Variants in TBC1D30 observed in about 807,000 individuals in gnomAD.
TBC1D30 encodes TBC1 domain family member 30, also known as TBC1 domain family, member 30.
A neutral mutation model predicts 63.2 loss-of-function variants in TBC1D30; 31 were observed. That is an observed-to-expected ratio of 0.49 (90% CI 0.37 to 0.66). TBC1D30 has a LOEUF of 0.66. Ranked by LOEUF, TBC1D30 falls within the 30% of genes least tolerant of loss-of-function variation. TBC1D30 has a pLI of 0.00. For missense variants in TBC1D30, 810 were observed against 953.6 expected, an observed-to-expected ratio of 0.85 and a Z score of 1.98; for synonymous variants, 307 against 361.5, an observed-to-expected ratio of 0.85 and a Z score of 1.71.
intron 2 of TBC1D30, among the ~76,000 whole-genome samples, chr12:64,800,180 C>T (rs137988796): frequency 1.9e-3 from 293 of 152,210 alleles, no homozygotes; most frequent in African/African-American, 6.8e-3. Flanking sequence ...GGCAGACATT[C>T]CATGCAGAGA....
At chr12:64,769,542 A>ATTTTTT (rs35063952) in intron 1 of TBC1D30, among the ~76,000 whole-genome samples, 1 of 133,108 alleles carries the variant, frequency 7.5e-6, no homozygotes, top group Non-Finnish European at 1.6e-5. Context: ...ACGCTGGGCT[A>ATTTTTT]TTTTTTTTTT....
At chr12:64,834,151 T>C (rs1280366983) in intron 5 of TBC1D30, among the ~76,000 whole-genome samples, 1 of 152,148 alleles carries the variant, frequency 6.6e-6, no homozygotes, top group Non-Finnish European at 1.5e-5. Context: ...AGTGTATAGA[T>C]CTTGTGTTTA....
Position 64,861,056 on chromosome 12 carries a change from T to C in TBC1D30, c.1039-3612T>C, listed in dbSNP as rs1177133780. Among the ~76,000 whole-genome samples, 6 of 152,342 alleles carry C rather than the reference T, an allele frequency of 3.9e-5. 1 individual carries two copies. The highest frequency in any genetic ancestry group is 2.0e-4 in the Admixed American group (3 of 15,296). On this transcript the variant is annotated intron_variant, in intron 8 of 11. Transcript: ENST00000539867. Reference sequence around the variant, plus strand: ...CTTAGGTATTAGGAGAAGGAACCACTTTGACACTGCTTAAAGCAGAAGAAT... The same window carrying C: ...CTTAGGTATTAGGAGAAGGAACCACCTTGACACTGCTTAAAGCAGAAGAAT...
intron 2 of TBC1D30, among the ~76,000 whole-genome samples, chr12:64,803,537 C>T (rs1872700629): frequency 1.3e-5 from 2 of 152,040 alleles, no homozygotes; most frequent in Admixed American, 6.5e-5. Flanking sequence ...CTTTTGTTGC[C>T]ATTGCTTTTG....
At chr12:64,789,367 A>G (rs951784667) in intron 2 of TBC1D30, among the ~76,000 whole-genome samples, 3 of 151,742 alleles carry the variant, frequency 2.0e-5, no homozygotes, top group Non-Finnish European at 4.4e-5. Flanking sequence ...TATTTTTTGT[A>G]GAGACACAGT....
chr12:64,828,025 G>C, intron 2 of TBC1D30, 129 bp downstream of exon 2: 1 of 709,868 alleles, frequency 1.4e-6, no homozygotes, highest in East Asian at 2.8e-5. Context: ...CAATATTTCA[G>C]TTAAAGTAGC....
upstream of TBC1D30, among the ~76,000 whole-genome samples, chr12:64,778,715 G>A (rs1025383601): frequency 6.6e-6 from 1 of 151,982 alleles, no homozygotes; most frequent in Non-Finnish European, 1.5e-5. Flanking sequence ...TAGTAGTGAC[G>A]AGGTTTCACC....
At chr12:64,843,156 C>T (rs568203846) in intron 7 of TBC1D30, among the ~76,000 whole-genome samples, 48 of 152,254 alleles carry the variant, frequency 3.2e-4, no homozygotes, top group African/African-American at 6.7e-4. Context: ...CACAGGTGTG[C>T]GCCACGATAC....
intron 7 of TBC1D30, 29 bp downstream of exon 7, chr12:64,838,880 C>A: frequency 6.5e-7 from 1 of 1,532,214 alleles, no homozygotes; most frequent in South Asian, 1.2e-5. Flanking sequence ...CTGCTCTGTT[C>A]TGTGATGTTG....
intron 8 of TBC1D30, among the ~76,000 whole-genome samples, chr12:64,853,325 T>C (rs930840037): frequency 6.6e-6 from 1 of 152,162 alleles, no homozygotes; most frequent in African/African-American, 2.4e-5. Context: ...TCAGTAATGG[T>C]GGACGTCCCT....
chr12:64,800,294 A>G (rs1478544529), intron 2 of TBC1D30, among the ~76,000 whole-genome samples: 2 of 152,170 alleles, frequency 1.3e-5, no homozygotes, highest in South Asian at 2.1e-4. Context: ...GCAGAAGTTG[A>G]GACTGGAGTT....
chr12:64,865,990 C>G (rs1164984688), intron 9 of TBC1D30, among the ~76,000 whole-genome samples: 1 of 152,138 alleles, frequency 6.6e-6, no homozygotes, highest in Non-Finnish European at 1.5e-5. Flanking sequence ...CCACCTTAGT[C>G]TCCTAAGTAG....
At chr12:64,767,801 A>G (rs1690267) in intron 1 of TBC1D30, among the ~76,000 whole-genome samples, 10,040 of 69,530 alleles carry the variant, frequency 0.14, 115 homozygotes, top group Non-Finnish European at 0.18. Context: ...GGGGGGGGGG[A>G]GGGGGGGGAG....
chr12:64,843,604 A>C (rs1876095713), intron 8 of TBC1D30, 119 bp downstream of exon 8: 18 of 682,866 alleles, frequency 2.6e-5, no homozygotes, highest in South Asian at 2.6e-4. Flanking sequence ...TAGTTTCTCA[A>C]ATTGACCAAG....
At chr12:64,868,237 A>C (rs1878383241) in intron 10 of TBC1D30, 1 of 157,354 alleles carries the variant, frequency 6.4e-6, no homozygotes, top group Non-Finnish European at 1.4e-5. Context: ...TGACACTTGT[A>C]GATGAGTTCA....
upstream of TBC1D30, among the ~76,000 whole-genome samples, chr12:64,777,387 G>A (rs1871112737): frequency 6.6e-6 from 1 of 152,128 alleles, no homozygotes; most frequent in Non-Finnish European, 1.5e-5. Context: ...AGCTTCTTAA[G>A]CTGATAAACA....
chr12:64,859,289 A>G (rs1877583557), intron 8 of TBC1D30, among the ~76,000 whole-genome samples: 2 of 152,178 alleles, frequency 1.3e-5, no homozygotes, highest in Admixed American at 6.5e-5. Flanking sequence ...AAAGACCACA[A>G]TGCCTGGTAA....
At position 64,802,670 on chromosome 12, in the gene TBC1D30, C is replaced by T. The variant is rs528394036; in HGVS notation, c.643+16625C>T. On this transcript the variant is annotated intron_variant, in intron 2 of 12. Coordinates refer to the TBC1D30 transcript ENST00000542120. ...CCGTCCCCCACCGCATGACAGGCCC[C>T]GGTGTGTGATGTTCCCCATCCTGTG... Among the ~76,000 whole-genome samples the T allele has an allele frequency of 9.2e-5, 14 of 152,176 alleles. No homozygotes were observed. In the South Asian group the frequency reaches 2.1e-3, roughly 23 times the overall value.
At chr12:64,819,238 T>G (rs781342099) in intron 2 of TBC1D30, among the ~76,000 whole-genome samples, 1 of 152,054 alleles carries the variant, frequency 6.6e-6, no homozygotes, top group African/African-American at 2.4e-5. Context: ...ATCATATAAA[T>G]AGAAAATGTC....
Sources: allele counts gnomAD v4.1 joint callset (sites outside exome capture counted in the v4.1 genomes callset), GRCh38; gene constraint gnomAD v4.1.1; transcripts MANE v1.5; gene names NCBI Gene and HGNC (gene_info 2026-07-23, HGNC 2026-07-21).